Variants in NUFIP1 observed in about 807,000 individuals in gnomAD.
NUFIP1 encodes FMR1-interacting protein NUFIP1.
In NUFIP1, 38 loss-of-function variants were observed where a neutral mutation model predicts 56.2. That is an observed-to-expected ratio of 0.68 (90% CI 0.52 to 0.89). The LOEUF is 0.89. NUFIP1 is among the 40% of genes least tolerant of loss of function. The pLI is 0.00. For synonymous variants in NUFIP1, 215 were observed against 212.4 expected (o/e 1.01, Z -0.10); for missense variants, 567 against 605.8 (o/e 0.94, Z 0.67).
chr13:44,947,658 A>T (rs565992478), intron 8 of NUFIP1, among the ~76,000 whole-genome samples: 1 of 152,344 alleles, frequency 6.6e-6, no homozygotes, highest in Admixed American at 6.5e-5. Context: ...ACATGAGTAT[A>T]AAAATACTGT....
chr13:44,988,283 G>C (rs558433620), intron 1 of NUFIP1, among the ~76,000 whole-genome samples: 1 of 152,306 alleles, frequency 6.6e-6, no homozygotes, highest in African/African-American at 2.4e-5. Flanking sequence ...AGCCGGGTGT[G>C]GTGGCGTGGG....
At chr13:44,965,989 A>C in intron 5 of NUFIP1, 53 bp from the exon 6 acceptor site, 2 of 1,088,512 alleles carry the variant, frequency 1.8e-6, no homozygotes, top group Non-Finnish European at 1.3e-6. Flanking sequence ...ACAATTTTAA[A>C]TAAGCAATCA....
Position 44,959,712 on chromosome 13 carries a change from TA to T in NUFIP1, c.828-139del, listed in dbSNP as rs541054310. 8.1e-3 allele frequency: 5,400 copies of T among 668,512 alleles called. 34 individuals are homozygous for T. Among genetic ancestry groups the T allele is most frequent in the Non-Finnish European group, 0.011 (4,462 of 404,322 alleles). The allele number at this position is 668,512 out of a possible 1,614,324, so 41.4% of individuals were successfully genotyped here. A position where few individuals can be genotyped will look rare whatever the true frequency, so the allele number is the denominator to read the frequency against. Reference sequence around the variant, plus strand: ...GCCTAGTACATTAAAGAGACGAAAATAAAAGAAATTCCAGTGACTTTCAAAG... The same window carrying T: ...GCCTAGTACATTAAAGAGACGAAAATAAAGAAATTCCAGTGACTTTCAAAG... On this transcript the variant is annotated intron_variant, in intron 6 of 9. Transcript: ENST00000379161.
chr13:44,953,940 G>A (rs1177349803), intron 7 of NUFIP1, among the ~76,000 whole-genome samples: 2 of 152,066 alleles, frequency 1.3e-5, no homozygotes, highest in Non-Finnish European at 2.9e-5. Context: ...CAAACCATAT[G>A]TAATAACACT....
chr13:44,944,758 A>G (rs1041118602), intron 8 of NUFIP1, among the ~76,000 whole-genome samples: 4 of 152,092 alleles, frequency 2.6e-5, no homozygotes, highest in African/African-American at 9.7e-5. Context: ...AAAACTAGCT[A>G]GAAAACCCCC....
intron 9 of NUFIP1, among the ~76,000 whole-genome samples, chr13:44,942,695 GAA>G (rs1870782711): frequency 6.6e-6 from 1 of 152,164 alleles, no homozygotes; most frequent in Non-Finnish European, 1.5e-5. Flanking sequence ...CTGAGAACTT[GAA>G]GATGCATTGC....
chr13:44,952,191 A>C (rs868581321), intron 7 of NUFIP1, among the ~76,000 whole-genome samples: 1 of 152,148 alleles, frequency 6.6e-6, no homozygotes, highest in South Asian at 2.1e-4. Flanking sequence ...TCTGCTGCCC[A>C]GGCTGGAGTG....
intron 5 of NUFIP1, among the ~76,000 whole-genome samples, chr13:44,977,869 C>T (rs1312371116): frequency 3.3e-5 from 5 of 152,024 alleles, no homozygotes; most frequent in Admixed American, 2.0e-4. Flanking sequence ...GCCAACATGG[C>T]GAAACCCCAT....
chr13:44,949,091 C>T (rs906270139), intron 8 of NUFIP1, among the ~76,000 whole-genome samples: 1 of 152,028 alleles, frequency 6.6e-6, no homozygotes. Context: ...AAGGGTTCTT[C>T]AGAGCAGAGA....
intron 7 of NUFIP1, 131 bp downstream of exon 7, chr13:44,959,250 C>A (rs1871339191): frequency 2.3e-6 from 2 of 867,850 alleles, no homozygotes; most frequent in Non-Finnish European, 3.4e-6. Flanking sequence ...CTATTAAAAA[C>A]AAAAACAAAA....
At chr13:44,975,297 T>G (rs1332495758) in intron 5 of NUFIP1, among the ~76,000 whole-genome samples, 1 of 152,142 alleles carries the variant, frequency 6.6e-6, no homozygotes, top group Non-Finnish European at 1.5e-5. Flanking sequence ...TCCCAATGCC[T>G]ACTCAACATC....
chr13:44,970,990 A>T (rs906335350), intron 5 of NUFIP1, among the ~76,000 whole-genome samples: 4 of 152,142 alleles, frequency 2.6e-5, no homozygotes, highest in East Asian at 1.9e-4. Flanking sequence ...ATAGGTTTTT[A>T]AAAAATTGCT....
chr13:44,966,550 G>A (rs940370832), intron 5 of NUFIP1, among the ~76,000 whole-genome samples: 26 of 151,848 alleles, frequency 1.7e-4, no homozygotes, highest in African/African-American at 6.0e-4. Context: ...CCTGACCTCA[G>A]GTGACCCACC....
intron 3 of NUFIP1, 94 bp from the exon 4 acceptor site, chr13:44,980,046 A>G: frequency 1.2e-6 from 1 of 869,000 alleles, no homozygotes. Context: ...TTCTGGCTGT[A>G]TTACATAGTT....
At chr13:44,983,554 T>C (rs933430959) in intron 1 of NUFIP1, among the ~76,000 whole-genome samples, 1 of 151,502 alleles carries the variant, frequency 6.6e-6, no homozygotes, top group Admixed American at 6.6e-5. Context: ...TCCAACACTT[T>C]GGGAGGCCAA....
intron 1 of NUFIP1, among the ~76,000 whole-genome samples, chr13:44,987,585 AAAAAAAAATAATTGT>A (rs1032011161): frequency 1.1e-4 from 17 of 151,194 alleles, no homozygotes; most frequent in African/African-American, 3.4e-4. Context: ...CGGAAAACCA[AAAAAAAAATAATTGT>A]GTGACTTGCT....
At chr13:44,967,631 A>T (rs186442814) in intron 5 of NUFIP1, among the ~76,000 whole-genome samples, 28 of 152,366 alleles carry the variant, frequency 1.8e-4, no homozygotes, top group African/African-American at 6.7e-4. Context: ...TTGAATACCA[A>T]ACTAGAAAGT....
At chr13:44,978,851 G>A (rs753401131) in intron 5 of NUFIP1, among the ~76,000 whole-genome samples, 7 of 152,176 alleles carry the variant, frequency 4.6e-5, no homozygotes, top group Non-Finnish European at 8.8e-5. Context: ...GGGTAGTCAT[G>A]TGCCAGATGT....
chr13:44,955,609 G>A (rs538972233), intron 7 of NUFIP1, among the ~76,000 whole-genome samples: 12 of 152,308 alleles, frequency 7.9e-5, no homozygotes, highest in African/African-American at 2.6e-4. Context: ...AGTGCTGGCC[G>A]CTGGCCTGCC....
Sources: allele counts gnomAD v4.1 joint callset (sites outside exome capture counted in the v4.1 genomes callset), GRCh38; gene constraint gnomAD v4.1.1; transcripts MANE v1.5; gene names NCBI Gene and HGNC (gene_info 2026-07-23, HGNC 2026-07-21).